LRP1B: variants seen among roughly 807,000 people sequenced by gnomAD.
The protein encoded by LRP1B is low-density lipoprotein receptor-related protein 1B.
In LRP1B, 217 loss-of-function variants were observed where a neutral mutation model predicts 556.6. The observed-to-expected ratio is 0.39, with a 90% CI of 0.35 to 0.44. The LOEUF (loss-of-function observed/expected upper bound fraction) is 0.44. Ranked by LOEUF, LRP1B falls within the 20% of genes least tolerant of loss-of-function variation. The pLI is 1.00. For missense variants in LRP1B, 5,053 were observed against 5,620.8 expected, an observed-to-expected ratio of 0.90 and a Z score of 3.23; for synonymous variants, 2,047 against 1,865.8, an observed-to-expected ratio of 1.10 and a Z score of -2.50.
At chr2:140,724,797 A>G (rs2380913) in intron 35 of LRP1B, among the ~76,000 whole-genome samples, 23,760 of 62,594 alleles carry the variant, frequency 0.38, 1,936 homozygotes, top group South Asian at 0.51. Context: ...ACTTGTTTTA[A>G]TTATCGAGAT....
At chr2:140,856,336 T>G (rs558310295) in intron 27 of LRP1B, among the ~76,000 whole-genome samples, 1 of 152,240 alleles carries the variant, frequency 6.6e-6, no homozygotes, top group Non-Finnish European at 1.5e-5. Context: ...CAGCTAATGC[T>G]GATTTCTTTC....
chr2:141,737,603 T>C (rs1693534216), intron 2 of LRP1B, among the ~76,000 whole-genome samples: 1 of 152,206 alleles, frequency 6.6e-6, no homozygotes, highest in Non-Finnish European at 1.5e-5. Context: ...AGATTGATCT[T>C]GTTTACCCCA....
intron 3 of LRP1B, among the ~76,000 whole-genome samples, chr2:141,414,135 A>T (rs1244994581): frequency 6.6e-6 from 1 of 150,680 alleles, no homozygotes; most frequent in African/African-American, 2.4e-5. Flanking sequence ...TACTCGGGAG[A>T]CTGAGGCAGG....
chr2:140,731,821 A>G (rs1384790305), intron 35 of LRP1B, among the ~76,000 whole-genome samples: 1 of 151,116 alleles, frequency 6.6e-6, no homozygotes, highest in Non-Finnish European at 1.5e-5. Flanking sequence ...TTATTAAACT[A>G]TGTATTTCCT....
At chr2:142,055,414 G>A (rs1704633013) in intron 1 of LRP1B, among the ~76,000 whole-genome samples, 1 of 151,920 alleles carries the variant, frequency 6.6e-6, no homozygotes, top group South Asian at 2.1e-4. Context: ...GCAGAGAAGA[G>A]GTAAAGATTA....
chr2:140,264,475 AACTACT>A, intron 86 of LRP1B, among the ~76,000 whole-genome samples: 1 of 152,048 alleles, frequency 6.6e-6, no homozygotes, highest in East Asian at 1.9e-4. Flanking sequence ...GCTAATCTTC[AACTACT>A]AACCTCAAGT....
At chr2:141,161,586 G>C (rs935993285) in intron 7 of LRP1B, among the ~76,000 whole-genome samples, 1 of 152,092 alleles carries the variant, frequency 6.6e-6, no homozygotes, top group African/African-American at 2.4e-5. Flanking sequence ...CAAAGGCATT[G>C]GCAACTTGCG....
In LRP1B at chr2:141,135,533, C is replaced by T. The variant is rs73962819; in HGVS notation, c.1013+52888G>A. 9.7e-3 allele frequency among the ~76,000 whole-genome samples: 1,468 copies of T among 151,988 alleles called. 26 individuals are homozygous for T. The highest frequency in any genetic ancestry group is 0.032 in the African/African-American group (1,323 of 41,464). On this transcript the variant is annotated intron_variant, in intron 7 of 90. Coordinates refer to ENST00000389484, the MANE Select transcript of LRP1B (RefSeq NM_018557.3). ...ACACATGCACACGCGTGCACACATG[C>T]CCATGATAGAACTACAAATAAACTG...
intron 51 of LRP1B, among the ~76,000 whole-genome samples, chr2:140,510,613 G>A (rs905743067): frequency 6.6e-6 from 1 of 152,076 alleles, no homozygotes; most frequent in Admixed American, 6.5e-5. Context: ...TGGATCCTAA[G>A]CACCCTCTGA....
chr2:141,749,575 A>G lies in LRP1B; in HGVS notation c.205+60704T>C, dbSNP rs550653530. ...ACACAAAAATGGGGACCAGGAAAAG[A>G]GTTCAGTATCTTGATTTTTAAGACA... On this transcript the variant is annotated intron_variant, in intron 2 of 90. Transcript: ENST00000389484. Among the ~76,000 whole-genome samples, 98 of 152,290 alleles carry G rather than the reference A, an allele frequency of 6.4e-4. 1 individual carries two copies. Among genetic ancestry groups the G allele is most frequent in the African/African-American group, 2.2e-3 (93 of 41,582 alleles).
intron 51 of LRP1B, among the ~76,000 whole-genome samples, chr2:140,511,205 A>G (rs546327994): frequency 6.6e-6 from 1 of 151,644 alleles, no homozygotes; most frequent in East Asian, 1.9e-4. Context: ...CTTTTCAGCC[A>G]GAGTTGTTAG....
chr2:141,340,362 C>A (rs531208760), intron 3 of LRP1B, among the ~76,000 whole-genome samples: 1 of 152,178 alleles, frequency 6.6e-6, no homozygotes, highest in Non-Finnish European at 1.5e-5. Context: ...TCTCAGCATA[C>A]AATTTCCTTG....
At chr2:141,557,525 G>A (rs1239616720) in intron 2 of LRP1B, among the ~76,000 whole-genome samples, 3 of 151,906 alleles carry the variant, frequency 2.0e-5, no homozygotes, top group African/African-American at 4.8e-5. Flanking sequence ...TGAATGGGAT[G>A]TGAGTAAAGG....
chr2:142,019,119 TA>T (rs1182498024), intron 1 of LRP1B, among the ~76,000 whole-genome samples: 1 of 152,224 alleles, frequency 6.6e-6, no homozygotes, highest in Non-Finnish European at 1.5e-5. Flanking sequence ...AAATTACATC[TA>T]ATTCAGAATT....
intron 2 of LRP1B, among the ~76,000 whole-genome samples, chr2:141,671,866 T>G (rs1215491885): frequency 6.6e-6 from 1 of 151,794 alleles, no homozygotes; most frequent in African/African-American, 2.4e-5. Context: ...ATTCATTCAG[T>G]AAATACTCAC....
chr2:142,015,606 A>T (rs944758610), intron 1 of LRP1B, among the ~76,000 whole-genome samples: 1 of 152,154 alleles, frequency 6.6e-6, no homozygotes, highest in Non-Finnish European at 1.5e-5. Context: ...AATGAGAGAA[A>T]ATTTTTGCAA....
chr2:142,095,760 CA>C (rs1432180477), intron 1 of LRP1B, among the ~76,000 whole-genome samples: 1 of 151,644 alleles, frequency 6.6e-6, no homozygotes, highest in Non-Finnish European at 1.5e-5. Context: ...TTAATATATG[CA>C]ATGCTACATC....
chr2:141,987,482 C>T (rs893176309), intron 1 of LRP1B, among the ~76,000 whole-genome samples: 2 of 151,586 alleles, frequency 1.3e-5, no homozygotes, highest in Non-Finnish European at 1.5e-5. Flanking sequence ...TCTCTGGCTG[C>T]GACACAGTGC....
At chr2:141,651,516 T>A (rs574013924) in intron 2 of LRP1B, among the ~76,000 whole-genome samples, 65 of 152,120 alleles carry the variant, frequency 4.3e-4, no homozygotes, top group African/African-American at 1.4e-3. Context: ...ATACAAAAAT[T>A]GGCCAGGTGT....
Sources: allele counts gnomAD v4.1 joint callset (sites outside exome capture counted in the v4.1 genomes callset), GRCh38; gene constraint gnomAD v4.1.1; transcripts MANE v1.5; gene names NCBI Gene and HGNC (gene_info 2026-07-23, HGNC 2026-07-21).